NRG1: variants seen among roughly 807,000 people sequenced by gnomAD.
NRG1 encodes the protein neuregulin 1, also known as pro-neuregulin-1, membrane-bound isoform.
Under a neutral mutation model 63.8 loss-of-function variants are expected in NRG1, and 18 were observed. That is an observed-to-expected ratio of 0.28 (90% CI 0.19 to 0.42). NRG1 has a LOEUF of 0.42. NRG1 is among the 10% of genes least tolerant of loss of function. The pLI is 1.00. For synonymous variants in NRG1, 302 were observed against 301.3 expected (o/e 1.00, Z -0.02); for missense variants, 762 against 814.7 (o/e 0.94, Z 0.79).
intron 1 of NRG1, among the ~76,000 whole-genome samples, chr8:31,981,306 C>T (rs1268345036): frequency 6.6e-6 from 1 of 152,008 alleles, no homozygotes; most frequent in African/African-American, 2.4e-5. Flanking sequence ...AACTTAGGAA[C>T]TGCCTCTTGT....
intron 3 of NRG1, among the ~76,000 whole-genome samples, chr8:32,612,151 A>T (rs908223197): frequency 1.3e-5 from 2 of 152,144 alleles, no homozygotes; most frequent in Non-Finnish European, 2.9e-5. Flanking sequence ...CAAATGTAAT[A>T]TGCCAAATTA....
intron 1 of NRG1, among the ~76,000 whole-genome samples, chr8:32,577,249 T>G (rs1314172152): frequency 6.6e-6 from 1 of 152,224 alleles, no homozygotes; most frequent in Non-Finnish European, 1.5e-5. Context: ...TGATTCCATG[T>G]AAAAGAGCAT....
intron 3 of NRG1, among the ~76,000 whole-genome samples, chr8:32,607,402 A>T (rs1265768399): frequency 6.6e-6 from 1 of 151,996 alleles, no homozygotes; most frequent in African/African-American, 2.4e-5. Context: ...TGACACTTGG[A>T]TTTGATTCGT....
At chr8:31,836,486 A>G (rs1277882972) in intron 1 of NRG1, among the ~76,000 whole-genome samples, 1 of 152,114 alleles carries the variant, frequency 6.6e-6, no homozygotes, top group African/African-American at 2.4e-5. Flanking sequence ...CTTTTTAAAC[A>G]TTCAGATATA....
At chr8:32,581,281 C>A (rs1318605896) in intron 1 of NRG1, among the ~76,000 whole-genome samples, 1 of 152,186 alleles carries the variant, frequency 6.6e-6, no homozygotes, top group African/African-American at 2.4e-5. Context: ...ATACTAGCTG[C>A]ATGCCAGAAG....
intron 1 of NRG1, among the ~76,000 whole-genome samples, chr8:32,238,988 A>G (rs560675275): frequency 5.3e-5 from 8 of 152,218 alleles, no homozygotes; most frequent in Middle Eastern, 3.4e-3. Flanking sequence ...AAGGGGAAAG[A>G]AGACTATTCT....
intron 1 of NRG1, among the ~76,000 whole-genome samples, chr8:32,405,848 A>G (rs1283608240): frequency 1.3e-5 from 2 of 152,206 alleles, no homozygotes; most frequent in African/African-American, 4.8e-5. Context: ...TAGGCTTTTA[A>G]AAATTTACTT....
chr8:31,947,163 G>A (rs542356986), intron 1 of NRG1, among the ~76,000 whole-genome samples: 6 of 151,636 alleles, frequency 4.0e-5, no homozygotes, highest in East Asian at 1.9e-4. Flanking sequence ...AGCCGGGCGC[G>A]GTGGCGGGCG....
At chr8:32,638,661 C>G (rs2129545348) in intron 5 of NRG1, among the ~76,000 whole-genome samples, 1 of 152,318 alleles carries the variant, frequency 6.6e-6, no homozygotes, top group Non-Finnish European at 1.5e-5. Context: ...ACAAATCTGA[C>G]TCTAGCAACC....
intron 1 of NRG1, among the ~76,000 whole-genome samples, chr8:32,522,848 T>C (rs1830466653): frequency 6.6e-6 from 1 of 151,140 alleles, no homozygotes; most frequent in Admixed American, 6.6e-5. Flanking sequence ...CTTTGTCACC[T>C]AGGCTGGACT....
chr8:31,640,858 G>A lies in NRG1; in HGVS notation c.37+1427G>A, dbSNP rs1008370044. On this transcript the variant is annotated intron_variant, in intron 1 of 10. Coordinates refer to the NRG1 transcript ENST00000519301. This position sits in a 1 kb window ranked among gnomAD's most constrained non-coding sequence, Gnocchi z 6.3. The stretch of plus-strand genomic sequence containing the variant: ...CTGGGTCCCAGTTGTTGGTTTCAGG[G>A]TGGTGGGTTCTCAGCGATCCTCAGA... 3 of 1,396,024 alleles carry A rather than the reference G, an allele frequency of 2.1e-6. No homozygotes were observed. The highest frequency in any genetic ancestry group is 3.2e-5 in the South Asian group (2 of 61,678). 86.5% of individuals were successfully genotyped at this position (1,396,024 alleles called of 1,614,324 possible). A position where few individuals can be genotyped will look rare whatever the true frequency, so the allele number is the denominator to read the frequency against.
chr8:32,366,677 G>GTGTGTGTA (rs1164696498), intron 1 of NRG1, among the ~76,000 whole-genome samples: 17 of 87,508 alleles, frequency 1.9e-4, no homozygotes, highest in Non-Finnish European at 3.1e-4. Flanking sequence ...GTGTGTGTGT[G>GTGTGTGTA]TATATATATA....
At chr8:32,661,577 A>C (rs2128875217) in intron 5 of NRG1, among the ~76,000 whole-genome samples, 1 of 152,262 alleles carries the variant, frequency 6.6e-6, no homozygotes, top group South Asian at 2.1e-4. Context: ...GCAGCTAGTA[A>C]GAAACACGGG....
intron 1 of NRG1, among the ~76,000 whole-genome samples, chr8:32,377,845 C>T (rs1809819421): frequency 1.3e-5 from 2 of 152,102 alleles, no homozygotes; most frequent in Admixed American, 1.3e-4. Flanking sequence ...GATGATGTCC[C>T]TCTTGGAATT....
At chr8:32,121,398 CGTGTGTGTGT>C (rs140452698) in intron 1 of NRG1, among the ~76,000 whole-genome samples, 62 of 148,892 alleles carry the variant, frequency 4.2e-4, no homozygotes, top group African/African-American at 1.5e-3. Context: ...CCTGGGAAAT[CGTGTGTGTGT>C]GTGTGTGTGT....
intron 1 of NRG1, among the ~76,000 whole-genome samples, chr8:31,670,912 C>A (rs1338516455): frequency 1.3e-5 from 2 of 152,096 alleles, no homozygotes; most frequent in African/African-American, 4.8e-5. Context: ...CCCAGGTAAT[C>A]AACATAATAA....
At chr8:31,767,659 C>T (rs1255791379) in intron 1 of NRG1, among the ~76,000 whole-genome samples, 4 of 151,758 alleles carry the variant, frequency 2.6e-5, no homozygotes, top group South Asian at 2.1e-4. Flanking sequence ...TCCCAACATG[C>T]GGAAACCCCG....
chr8:31,831,318 G>T (rs1825138374), intron 1 of NRG1, among the ~76,000 whole-genome samples: 1 of 152,088 alleles, frequency 6.6e-6, no homozygotes, highest in Non-Finnish European at 1.5e-5. Flanking sequence ...GGCCAGGCTG[G>T]TCTTCAACTT....
chr8:32,254,582 G>A (rs1849472294), intron 1 of NRG1, among the ~76,000 whole-genome samples: 4 of 152,160 alleles, frequency 2.6e-5, no homozygotes, highest in Admixed American at 2.6e-4. Flanking sequence ...GCTGAGGAGT[G>A]TTTCACTTCC....
Sources: allele counts gnomAD v4.1 joint callset (sites outside exome capture counted in the v4.1 genomes callset), GRCh38; gene constraint gnomAD v4.1.1; non-coding constraint Gnocchi (gnomAD v3.1); transcripts MANE v1.5; gene names NCBI Gene and HGNC (gene_info 2026-07-23, HGNC 2026-07-21).